The following RAB39A variants were observed in gnomAD, a reference collection of about 807,000 sequenced individuals.
RAB39A encodes the protein ras-related protein Rab-39A.
A neutral mutation model predicts 20.9 loss-of-function variants in RAB39A; 17 were observed. The ratio of observed to expected loss-of-function variants is 0.81; its 90% CI spans 0.56 to 1.22. RAB39A has a LOEUF of 1.22. Among genes scored for constraint, RAB39A ranks in the 50% most tolerant of loss-of-function variants. The pLI is 0.00. For missense variants in RAB39A, 234 were observed against 270.5 expected, an observed-to-expected ratio of 0.87 and a Z score of 0.95; for synonymous variants, 99 against 103.4, an observed-to-expected ratio of 0.96 and a Z score of 0.26.
intron 1 of RAB39A, among the ~76,000 whole-genome samples, chr11:107,944,655 G>T (rs754254721): frequency 1.3e-5 from 2 of 152,030 alleles, no homozygotes; most frequent in Admixed American, 6.6e-5. Context: ...AACGTGCTGG[G>T]ATTATAGCCG....
chr11:107,930,040 A>G (rs1044533227), intron 1 of RAB39A, among the ~76,000 whole-genome samples: 1 of 152,184 alleles, frequency 6.6e-6, no homozygotes, highest in Non-Finnish European at 1.5e-5. Flanking sequence ...GAATGGTCCA[A>G]CATTCAAAGT....
intron 1 of RAB39A, among the ~76,000 whole-genome samples, chr11:107,932,939 G>A (rs767036900): frequency 1.3e-5 from 2 of 152,084 alleles, no homozygotes; most frequent in Non-Finnish European, 2.9e-5. Flanking sequence ...TCGAGCTCCT[G>A]GGCTCGTGTA....
intron 1 of RAB39A, among the ~76,000 whole-genome samples, chr11:107,933,913 C>CCCA (rs1861166591): frequency 6.6e-6 from 1 of 152,084 alleles, no homozygotes; most frequent in Admixed American, 6.6e-5. Context: ...GCCTCAGCCT[C>CCCA]CCAAAGTGCT....
At chr11:107,955,782 G>A (rs937095291) in intron 1 of RAB39A, among the ~76,000 whole-genome samples, 1 of 150,430 alleles carries the variant, frequency 6.6e-6, no homozygotes, top group African/African-American at 2.5e-5. Context: ...AGGTTGTGGT[G>A]AGCCGAGATC....
intron 1 of RAB39A, among the ~76,000 whole-genome samples, chr11:107,954,136 A>G (rs974946085): frequency 6.6e-6 from 1 of 152,186 alleles, no homozygotes; most frequent in Admixed American, 6.5e-5. Context: ...ATGGTCCCCC[A>G]GAGTAAGGTA....
intron 1 of RAB39A, among the ~76,000 whole-genome samples, chr11:107,956,152 T>C (rs1009978803): frequency 6.6e-6 from 1 of 152,238 alleles, no homozygotes; most frequent in Admixed American, 6.5e-5. Context: ...GTAATAGATA[T>C]AATGTTGGGC....
At chr11:107,938,278 T>G (rs1861218296) in intron 1 of RAB39A, among the ~76,000 whole-genome samples, 1 of 145,724 alleles carries the variant, frequency 6.9e-6, no homozygotes, top group African/African-American at 2.5e-5. Flanking sequence ...GAGAATTGCT[T>G]GAACCCAGGA....
intron 1 of RAB39A, among the ~76,000 whole-genome samples, chr11:107,946,351 TAC>T (rs1338159679): frequency 2.3e-5 from 3 of 129,672 alleles, no homozygotes; most frequent in Non-Finnish European, 3.2e-5. Context: ...CACATATATA[TAC>T]ACACACACAT....
intron 1 of RAB39A, among the ~76,000 whole-genome samples, chr11:107,940,964 T>C (rs546432183): frequency 1.7e-4 from 25 of 150,568 alleles, no homozygotes; most frequent in Middle Eastern, 3.4e-3. Context: ...AGAGCAAGAG[T>C]CCATCTCAGA....
At chr11:107,933,349 G>A (rs1200926904) in intron 1 of RAB39A, among the ~76,000 whole-genome samples, 12 of 68,040 alleles carry the variant, frequency 1.8e-4, no homozygotes, top group African/African-American at 4.1e-4. Context: ...GTGTGTGTGT[G>A]TATTTCTTTC....
chr11:107,928,687 C>T lies in RAB39A; in HGVS notation c.119C>T (p.Ala40Val), dbSNP rs764730524. 1.9e-6 allele frequency: 3 copies of T among 1,612,236 alleles called. No homozygotes were observed. The highest frequency in any genetic ancestry group is 2.2e-5 in the East Asian group (1 of 44,786). The change falls in exon 1 of 2, where the codon GCC becomes GTC. Residue 40 changes from alanine to valine, a missense_variant. By Grantham distance (64) the Ala-to-Val change is moderately conservative. Transcript: ENST00000320578. The surrounding 1 kb of genome is among the most constrained non-coding windows in gnomAD (Gnocchi z 4.9). The part of the protein sequence containing the change: ...QGRFPGLRSP[A>V]CDPTVGVDFF... ...CGCTTCCCCGGGCTGCGCTCCCCCGCCTGCGACCCCACCGTCGGCGTGGAC... is the reference window on the plus strand; with the variant it reads ...CGCTTCCCCGGGCTGCGCTCCCCCGTCTGCGACCCCACCGTCGGCGTGGAC...
At chr11:107,936,918 A>G (rs1163112487) in intron 1 of RAB39A, among the ~76,000 whole-genome samples, 1 of 145,602 alleles carries the variant, frequency 6.9e-6, no homozygotes, top group African/African-American at 2.5e-5. Context: ...TGGGTGACAG[A>G]GCGAGACTCC....
Position 107,928,883 on chromosome 11 carries a change from GTCGGGA to G in RAB39A, c.227+89_227+94del. The stretch of plus-strand genomic sequence containing the variant: ...CCAGGCGTCCGCCCCGCCGGCCCTG[GTCGGGA>G]GAGGCTCTGGCCCTTCCCTCTCGAA... On this transcript the variant is annotated intron_variant, in intron 1 of 1. Coordinates refer to ENST00000320578, the MANE Select transcript of RAB39A (RefSeq NM_017516.3). The surrounding 1 kb of genome is among the most constrained non-coding windows in gnomAD (Gnocchi z 4.9). The G allele has an allele frequency of 9.0e-7, 1 of 1,110,636 alleles. No homozygotes were observed. Among genetic ancestry groups the G allele is most frequent in the Non-Finnish European group, 1.3e-6 (1 of 794,336 alleles). 68.8% of individuals were successfully genotyped at this position (1,110,636 alleles called of 1,614,324 possible).
chr11:107,959,655 A>G (rs1367628116), intron 1 of RAB39A, among the ~76,000 whole-genome samples: 1 of 147,266 alleles, frequency 6.8e-6, no homozygotes, highest in African/African-American at 2.4e-5. Flanking sequence ...AGAAATAGAA[A>G]GAAAGAGGAG....
chr11:107,945,594 G>A (rs1861300094), intron 1 of RAB39A, among the ~76,000 whole-genome samples: 1 of 152,054 alleles, frequency 6.6e-6, no homozygotes, highest in Admixed American at 6.6e-5. Flanking sequence ...CCAACCCAAT[G>A]TATACTGTTG....
At position 107,962,410 on chromosome 11, in the gene RAB39A, G is replaced by T. The variant is rs1356513724; in HGVS notation, c.*38G>T. 6.5e-7 allele frequency: 1 copy of T among 1,537,012 alleles called. No homozygotes were observed. The highest frequency in any genetic ancestry group is 8.8e-7 in the Non-Finnish European group (1 of 1,135,548). ...TGAAGAACTAACAGGAACAGATTGGGTGTCAGTTCAGGATAAATACCAACA... is the reference window on the plus strand; with the variant it reads ...TGAAGAACTAACAGGAACAGATTGGTTGTCAGTTCAGGATAAATACCAACA... On this transcript the variant is annotated 3_prime_UTR_variant, in exon 2 of 2. Coordinates refer to ENST00000320578, the MANE Select transcript of RAB39A (RefSeq NM_017516.3).
intron 1 of RAB39A, among the ~76,000 whole-genome samples, chr11:107,946,156 C>G (rs1359827038): frequency 6.9e-6 from 1 of 145,034 alleles, no homozygotes; most frequent in Non-Finnish European, 1.5e-5. Context: ...ACCTAGGGAC[C>G]AAAACAAACA....
chr11:107,945,113 G>A (rs1861295494), intron 1 of RAB39A, among the ~76,000 whole-genome samples: 3 of 151,722 alleles, frequency 2.0e-5, no homozygotes, highest in Admixed American at 2.0e-4. Context: ...AACCCCAGGG[G>A]GCGGAGGTTG....
At chr11:107,929,253 C>T (rs1861114010) in intron 1 of RAB39A, among the ~76,000 whole-genome samples, 1 of 152,180 alleles carries the variant, frequency 6.6e-6, no homozygotes, top group African/African-American at 2.4e-5. Context: ...GGGAGAACCG[C>T]GAGGGAGGGT....
Sources: allele counts gnomAD v4.1 joint callset (sites outside exome capture counted in the v4.1 genomes callset), GRCh38; gene constraint gnomAD v4.1.1; non-coding constraint Gnocchi (gnomAD v3.1); transcripts MANE v1.5; gene names NCBI Gene and HGNC (gene_info 2026-07-23, HGNC 2026-07-21).